PRKN: variants seen among roughly 807,000 people sequenced by gnomAD.
PRKN encodes E3 ubiquitin-protein ligase parkin.
In PRKN, 56 loss-of-function variants were observed where a neutral mutation model predicts 59.5. That is an observed-to-expected ratio of 0.94 (90% CI 0.76 to 1.18). The LOEUF is 1.18. PRKN is among the 50% of genes most tolerant of loss of function. The probability of loss-of-function intolerance (pLI) is 0.00; values close to 1 mark genes in which losing one functional copy is unlikely to be tolerated. For missense variants in PRKN, 657 were observed against 596.4 expected, an observed-to-expected ratio of 1.10 and a Z score of -1.06; for synonymous variants, 250 against 222.1, an observed-to-expected ratio of 1.13 and a Z score of -1.12.
At chr6:162,308,615 C>G (rs140932176) in intron 2 of PRKN, among the ~76,000 whole-genome samples, 2 of 152,044 alleles carry the variant, frequency 1.3e-5, no homozygotes, top group African/African-American at 2.4e-5. Flanking sequence ...GCATACCTCC[C>G]AACTTTTGCC....
chr6:161,475,664 A>G lies in PRKN; in HGVS notation c.1083+73190T>C, dbSNP rs144850735. Among the ~76,000 whole-genome samples the G allele has an allele frequency of 0.01, 1,540 of 152,076 alleles. 21 individuals are homozygous for G. Among genetic ancestry groups the G allele is most frequent in the Middle Eastern group, 0.024 (7 of 294 alleles). ...GCATTTTTGTATTTTTTGTAGAGAC[A>G]GGGTTTTGCCATGTTGCCGAGGCTG... On this transcript the variant is annotated intron_variant, in intron 9 of 11. Transcript: ENST00000366898. The surrounding 1 kb of genome is among the most constrained non-coding windows in gnomAD (Gnocchi z 5.3).
At chr6:162,150,968 T>C (rs931675588) in intron 4 of PRKN, among the ~76,000 whole-genome samples, 7 of 151,958 alleles carry the variant, frequency 4.6e-5, no homozygotes, top group African/African-American at 4.8e-5. Context: ...TATAATACAA[T>C]TGAGTTTCTA....
At chr6:162,023,994 T>C (rs1022773345) in intron 5 of PRKN, among the ~76,000 whole-genome samples, 6 of 152,166 alleles carry the variant, frequency 3.9e-5, no homozygotes, top group Non-Finnish European at 5.9e-5. Context: ...TTTGGTTCCA[T>C]ATCAATTTTA....
In PRKN at chr6:161,569,335, C is replaced by A; in HGVS notation, c.933+20G>T. Reference sequence around the variant, plus strand: ...TATCTTTCATGACAGTCTGATGCAGCCTTTGAGATGCTCACTCACCTGCTC... The same window carrying A: ...TATCTTTCATGACAGTCTGATGCAGACTTTGAGATGCTCACTCACCTGCTC... On this transcript the variant is annotated intron_variant, in intron 8 of 11. Transcript: ENST00000366898. The A allele has an allele frequency of 6.2e-7, 1 of 1,607,992 alleles. No individual in the cohort carries two copies. Among genetic ancestry groups the A allele is most frequent in the Non-Finnish European group, 8.5e-7 (1 of 1,174,462 alleles).
At chr6:162,602,886 G>A (rs1326132215) in intron 1 of PRKN, among the ~76,000 whole-genome samples, 2 of 152,144 alleles carry the variant, frequency 1.3e-5, no homozygotes, top group African/African-American at 2.4e-5. Flanking sequence ...TTCTTGGCTT[G>A]GCGATGCAGA....
intron 4 of PRKN, among the ~76,000 whole-genome samples, chr6:162,062,151 T>C (rs1250186938): frequency 1.3e-5 from 2 of 152,190 alleles, no homozygotes; most frequent in Admixed American, 6.5e-5. Flanking sequence ...AAATGTAAAC[T>C]GGAGGGCACC....
At chr6:161,886,721 A>C (rs1463574023) in intron 6 of PRKN, among the ~76,000 whole-genome samples, 2 of 119,684 alleles carry the variant, frequency 1.7e-5, no homozygotes, top group African/African-American at 6.4e-5. Flanking sequence ...AATAACATAA[A>C]ATAACATAAA....
intron 7 of PRKN, among the ~76,000 whole-genome samples, chr6:161,692,193 C>T (rs140625949): frequency 2.6e-4 from 39 of 152,050 alleles, no homozygotes; most frequent in East Asian, 1.4e-3. Flanking sequence ...GTTGTGGGAG[C>T]GCTACTTTAA....
chr6:161,391,726 C>G lies in PRKN; in HGVS notation c.1084-4849G>C, dbSNP rs1013629434. On this transcript the variant is annotated intron_variant, in intron 9 of 11. Coordinates refer to ENST00000366898, the MANE Select transcript of PRKN (RefSeq NM_004562.3). The surrounding 1 kb of genome is among the most constrained non-coding windows in gnomAD (Gnocchi z 4.9). ...AAGTAAGAGAGATTATCCTAGATAA[C>G]CTGAAGGGGGCTGATTCAATCTGTG... 6.6e-6 allele frequency among the ~76,000 whole-genome samples: 1 copy of G among 151,952 alleles called. No homozygotes were observed. The highest frequency in any genetic ancestry group is 1.9e-4 in the East Asian group (1 of 5,158).
chr6:162,435,614 T>C (rs1789731978), intron 2 of PRKN, among the ~76,000 whole-genome samples: 1 of 152,196 alleles, frequency 6.6e-6, no homozygotes, highest in South Asian at 2.1e-4. Flanking sequence ...CTCGGACACG[T>C]AGCAACACTT....
chr6:162,387,569 G>C (rs868661179), intron 2 of PRKN, among the ~76,000 whole-genome samples: 2,559 of 134,666 alleles, frequency 0.019, 48 homozygotes, highest in African/African-American at 0.047. Flanking sequence ...GAGAGAGAGA[G>C]AGAGAGAGAG....
rs555152918 is a variant in PRKN, at chr6:161,591,887, A to AT, written c.872-22472dup. ...TTTTCTAACAGGATATTGAATATGCATTTTTTTTTTAAGAATCCAAGCCTT... is the reference window on the plus strand; with the variant it reads ...TTTTCTAACAGGATATTGAATATGCATTTTTTTTTTTAAGAATCCAAGCCTT... On this transcript the variant is annotated intron_variant, in intron 7 of 11. Coordinates refer to ENST00000366898, the MANE Select transcript of PRKN (RefSeq NM_004562.3). Among the ~76,000 whole-genome samples the AT allele has an allele frequency of 3.0e-3, 454 of 149,884 alleles. 2 individuals are homozygous for AT. The highest frequency in any genetic ancestry group is 8.5e-3 in the South Asian group (40 of 4,710).
At chr6:162,171,168 C>T (rs186259582) in intron 4 of PRKN, among the ~76,000 whole-genome samples, 1 of 151,766 alleles carries the variant, frequency 6.6e-6, no homozygotes, top group African/African-American at 2.4e-5. Context: ...CGCATTGCAA[C>T]AGAAATACCT....
chr6:161,450,242 T>C (rs1410409156), intron 9 of PRKN, among the ~76,000 whole-genome samples: 1 of 152,164 alleles, frequency 6.6e-6, no homozygotes, highest in Non-Finnish European at 1.5e-5. Context: ...ACGCTGAGCC[T>C]TAGGGACCAT....
chr6:162,572,578 C>T (rs1359296092), intron 1 of PRKN, among the ~76,000 whole-genome samples: 1 of 152,118 alleles, frequency 6.6e-6, no homozygotes, highest in East Asian at 1.9e-4. Context: ...TTCATGGGGG[C>T]AATATCATTT....
intron 7 of PRKN, among the ~76,000 whole-genome samples, chr6:161,755,357 T>G (rs1227627354): frequency 6.6e-6 from 1 of 152,032 alleles, no homozygotes; most frequent in Non-Finnish European, 1.5e-5. Context: ...TGGTGACCTC[T>G]CAGATGACAG....
chr6:162,483,455 T>C (rs1792393884), intron 1 of PRKN, among the ~76,000 whole-genome samples: 1 of 151,178 alleles, frequency 6.6e-6, no homozygotes, highest in Admixed American at 6.6e-5. Context: ...TGGAGGGAGG[T>C]GTAGGAAGCT....
At chr6:161,567,019 C>T (rs1050639241) in intron 8 of PRKN, among the ~76,000 whole-genome samples, 1 of 105,008 alleles carries the variant, frequency 9.5e-6, no homozygotes, top group Admixed American at 9.2e-5. Context: ...ATTCACTGTC[C>T]TTGTTTTTTT....
intron 3 of PRKN, among the ~76,000 whole-genome samples, chr6:162,257,737 C>T (rs979334335): frequency 1.3e-5 from 2 of 152,082 alleles, no homozygotes; most frequent in Non-Finnish European, 2.9e-5. Context: ...AGGTATGGCC[C>T]GTTCGCGATG....
Sources: gnomAD v4.1 joint callset for allele counts (sites outside exome capture counted in the v4.1 genomes callset) on GRCh38, gnomAD v4.1.1 for gene constraint, Gnocchi (gnomAD v3.1) non-coding constraint, MANE v1.5 for transcripts, NCBI Gene and HGNC (gene_info 2026-07-23, HGNC 2026-07-21) for gene names.